Variants in CMIP observed in about 807,000 individuals in gnomAD.
The protein encoded by CMIP is c-Maf inducing protein.
CMIP carries 13 observed loss-of-function variants against 97.3 expected under a neutral mutation model. The observed-to-expected ratio is 0.13, with a 90% confidence interval of 0.09 to 0.21. The LOEUF is 0.21. Among genes scored for constraint, CMIP ranks in the 10% least tolerant of loss-of-function variants. The pLI is 1.00. For synonymous variants in CMIP, 538 were observed against 436.3 expected (o/e 1.23, Z -2.91); for missense variants, 847 against 1,024.9 (o/e 0.83, Z 2.37).
At chr16:81,499,629 G>T (rs997683407) in intron 1 of CMIP, among the ~76,000 whole-genome samples, 2 of 152,242 alleles carry the variant, frequency 1.3e-5, no homozygotes, top group South Asian at 2.1e-4. Context: ...AAGAATCTGG[G>T]AATGTCCTTA....
At chr16:81,645,346 G>T (rs1597188234) in intron 3 of CMIP, 1 of 1,401,810 alleles carries the variant, frequency 7.1e-7, no homozygotes, top group African/African-American at 1.4e-5. Flanking sequence ...TGGGGAGCAT[G>T]CGTGCTTGGG....
intron 1 of CMIP, chr16:81,520,538 G>T (rs1409046382): frequency 6.8e-6 from 1 of 147,602 alleles, no homozygotes; most frequent in Non-Finnish European, 1.5e-5. Context: ...CCATCTCTCA[G>T]AGAGAGAGAG....
At chr16:81,546,318 C>T (rs12932885) in intron 1 of CMIP, among the ~76,000 whole-genome samples, 58,040 of 152,008 alleles carry the variant, frequency 0.38, 13,142 homozygotes, top group Non-Finnish European at 0.5. Context: ...TGTTCGCCGG[C>T]GGCAGAAGCT....
intron 1 of CMIP, among the ~76,000 whole-genome samples, chr16:81,486,466 A>T (rs2089315525): frequency 6.6e-6 from 1 of 152,168 alleles, no homozygotes; most frequent in Admixed American, 6.5e-5. Flanking sequence ...CGCAGTGGCA[A>T]CTAGGAAATT....
At chr16:81,654,783 G>C (rs911661720) in intron 4 of CMIP, among the ~76,000 whole-genome samples, 11 of 152,210 alleles carry the variant, frequency 7.2e-5, no homozygotes, top group Non-Finnish European at 7.3e-5. Context: ...CAGGACCCTC[G>C]CCCGGGTCTG....
intron 1 of CMIP, among the ~76,000 whole-genome samples, chr16:81,573,921 G>A (rs1455460428): frequency 6.6e-6 from 1 of 152,062 alleles, no homozygotes; most frequent in Non-Finnish European, 1.5e-5. Context: ...GACATGCTTC[G>A]TTTCACCTAC....
chr16:81,465,115 A>G (rs1346516644), intron 1 of CMIP, among the ~76,000 whole-genome samples: 6 of 152,174 alleles, frequency 3.9e-5, no homozygotes, highest in African/African-American at 1.4e-4. Flanking sequence ...CCCCTTACCC[A>G]TTACATAAAG....
chr16:81,620,798 T>C, intron 2 of CMIP, 78 bp from the exon 3 acceptor site: 1 of 1,559,946 alleles, frequency 6.4e-7, no homozygotes, highest in South Asian at 1.1e-5. Context: ...GCTTGGGGGC[T>C]CACATGCTGG....
chr16:81,596,286 A>C (rs1194686167), intron 1 of CMIP, among the ~76,000 whole-genome samples: 3 of 152,072 alleles, frequency 2.0e-5, no homozygotes, highest in Non-Finnish European at 4.4e-5. Context: ...TGGGCAGATC[A>C]CTTGAGGTCA....
intron 1 of CMIP, among the ~76,000 whole-genome samples, chr16:81,449,736 A>T (rs1383262199): frequency 6.6e-6 from 1 of 151,346 alleles, no homozygotes; most frequent in Non-Finnish European, 1.5e-5. Context: ...TGTTTCCTAG[A>T]CAACTTGTCT....
intron 1 of CMIP, among the ~76,000 whole-genome samples, chr16:81,546,255 C>G (rs547120257): frequency 6.6e-6 from 1 of 152,192 alleles, no homozygotes; most frequent in African/African-American, 2.4e-5. Flanking sequence ...ACTTGCCCTA[C>G]TTCTCCCATG....
At chr16:81,687,682 G>A (rs1408246037) in intron 10 of CMIP, among the ~76,000 whole-genome samples, 2 of 152,212 alleles carry the variant, frequency 1.3e-5, no homozygotes, top group African/African-American at 2.4e-5. Context: ...GGGGCCGTGT[G>A]TGAGTGCTCT....
At position 81,445,340 on chromosome 16, in the gene CMIP, G is replaced by C; in HGVS notation, c.99G>C (p.Thr33=). Residue 33 remains threonine, a synonymous_variant, in exon 1 of 21, where the codon ACG becomes ACC. Transcript: ENST00000537098. ...GCGACGTGTCGGCCCCCGAAGGCACGAAGATGGGCGCCGTGCCCTGCCGCC... is the reference window on the plus strand; with the variant it reads ...GCGACGTGTCGGCCCCCGAAGGCACCAAGATGGGCGCCGTGCCCTGCCGCC... ...LGGDVSAPEG[T]KMGAVPCRRA... The C allele has an allele frequency of 6.3e-7, 1 of 1,597,974 alleles. No homozygotes were observed. The highest frequency in any genetic ancestry group is 8.5e-7 in the Non-Finnish European group (1 of 1,173,056).
intron 2 of CMIP, among the ~76,000 whole-genome samples, chr16:81,615,579 TGTGTGTGTCTGTGTGTGTG>T (rs2091905312): frequency 6.7e-6 from 1 of 149,196 alleles, no homozygotes; most frequent in African/African-American, 2.5e-5. Context: ...GTGTGTATAG[TGTGTGTGTCTGTGTGTGTG>T]GTGTATGTGT....
At chr16:81,534,710 A>C (rs1216121722) in intron 1 of CMIP, among the ~76,000 whole-genome samples, 1 of 152,138 alleles carries the variant, frequency 6.6e-6, no homozygotes, top group Non-Finnish European at 1.5e-5. Flanking sequence ...CCCAGGATAA[A>C]TTTTTGGTAT....
At chr16:81,474,217 C>A (rs990193885) in intron 1 of CMIP, among the ~76,000 whole-genome samples, 8 of 152,134 alleles carry the variant, frequency 5.3e-5, no homozygotes, top group African/African-American at 1.9e-4. Context: ...ACCCCCCGGG[C>A]TTGGAGAGGG....
chr16:81,503,025 C>T (rs1775286874), intron 1 of CMIP, among the ~76,000 whole-genome samples: 2 of 152,132 alleles, frequency 1.3e-5, no homozygotes, highest in Admixed American at 1.3e-4. Context: ...GTTAAGCAGC[C>T]AGAGATCTAC....
intron 1 of CMIP, among the ~76,000 whole-genome samples, chr16:81,446,789 C>T (rs927696061): frequency 2.0e-5 from 3 of 152,136 alleles, no homozygotes; most frequent in Admixed American, 6.5e-5. Flanking sequence ...GACACATGCC[C>T]CAAGGAATGG....
intron 1 of CMIP, among the ~76,000 whole-genome samples, chr16:81,560,866 A>G (rs1224602339): frequency 2.6e-5 from 4 of 152,196 alleles, no homozygotes; most frequent in Non-Finnish European, 4.4e-5. Context: ...TATACCATGT[A>G]GGTTTGTGTA....
Sources: allele counts gnomAD v4.1 joint callset (sites outside exome capture counted in the v4.1 genomes callset), GRCh38; gene constraint gnomAD v4.1.1; transcripts MANE v1.5; gene names NCBI Gene and HGNC (gene_info 2026-07-23, HGNC 2026-07-21).